KCNIP1: variants seen among roughly 807,000 people sequenced by gnomAD.
KCNIP1 encodes the protein A-type potassium channel modulatory protein KCNIP1.
KCNIP1 carries 18 observed loss-of-function variants against 33.0 expected under a neutral mutation model. The ratio of observed to expected loss-of-function variants is 0.55; its 90% confidence interval spans 0.38 to 0.81. The LOEUF (loss-of-function observed/expected upper bound fraction) is 0.81, where lower values mean the gene tolerates loss of function less well. KCNIP1 is among the 30% of genes least tolerant of loss of function. The pLI is 0.00. For missense variants in KCNIP1, 238 were observed against 271.6 expected, an observed-to-expected ratio of 0.88 and a Z score of 0.87; for synonymous variants, 93 against 98.3, an observed-to-expected ratio of 0.95 and a Z score of 0.32.
chr5:170,656,569 C>A (rs1292684302), intron 1 of KCNIP1, among the ~76,000 whole-genome samples: 2 of 152,206 alleles, frequency 1.3e-5, no homozygotes. Flanking sequence ...CCTGTGAGCA[C>A]CCACAACTTC....
At chr5:170,704,740 T>C (rs1371410014) in intron 1 of KCNIP1, among the ~76,000 whole-genome samples, 4 of 152,196 alleles carry the variant, frequency 2.6e-5, no homozygotes, top group African/African-American at 9.6e-5. Flanking sequence ...CTTCACCTCT[T>C]GTTTTTTATT....
intron 5 of KCNIP1, among the ~76,000 whole-genome samples, chr5:170,724,644 G>A (rs1763946554): frequency 6.6e-6 from 1 of 152,132 alleles, no homozygotes; most frequent in African/African-American, 2.4e-5. Flanking sequence ...TTAACAAAGT[G>A]AAGACATGAG....
intron 1 of KCNIP1, among the ~76,000 whole-genome samples, chr5:170,396,745 T>C (rs918450999): frequency 6.6e-6 from 1 of 152,166 alleles, no homozygotes; most frequent in Non-Finnish European, 1.5e-5. Flanking sequence ...TATTATTATA[T>C]AGATGAAGCC....
chr5:170,709,589 T>C (rs1442902811), intron 1 of KCNIP1, among the ~76,000 whole-genome samples: 2 of 152,242 alleles, frequency 1.3e-5, no homozygotes, highest in South Asian at 2.1e-4. Flanking sequence ...CTATCTTGTA[T>C]TGTAGATTTT....
At chr5:170,447,807 A>T (rs1324246118) in intron 1 of KCNIP1, among the ~76,000 whole-genome samples, 1 of 151,720 alleles carries the variant, frequency 6.6e-6, no homozygotes, top group Non-Finnish European at 1.5e-5. Flanking sequence ...GTTGCTTACA[A>T]ATGAGACCTT....
chr5:170,671,380 G>C (rs528553876), intron 1 of KCNIP1, among the ~76,000 whole-genome samples: 1 of 152,046 alleles, frequency 6.6e-6, no homozygotes, highest in Non-Finnish European at 1.5e-5. Flanking sequence ...CTTTACACTT[G>C]CTGTCTCTTT....
chr5:170,382,030 C>T (rs1162257251), intron 1 of KCNIP1, among the ~76,000 whole-genome samples: 1 of 152,138 alleles, frequency 6.6e-6, no homozygotes, highest in African/African-American at 2.4e-5. Context: ...CACGCCCCAT[C>T]CCAGGCACCC....
intron 1 of KCNIP1, among the ~76,000 whole-genome samples, chr5:170,463,566 A>C (rs1003292673): frequency 3.9e-5 from 6 of 152,220 alleles, no homozygotes; most frequent in African/African-American, 1.2e-4. Context: ...AAAGAGAAAA[A>C]AACACATGAT....
chr5:170,634,030 TGCGGGTGTTGTGAAAATGGAGCCA>T (rs1374515000), intron 1 of KCNIP1, among the ~76,000 whole-genome samples: 119 of 152,222 alleles, frequency 7.8e-4, no homozygotes, highest in African/African-American at 2.7e-3. Context: ...GATGTGGTTC[TGCGGGTGTTGTGAAAATGGAGCCA>T]GCGGGATTTG....
At chr5:170,714,682 A>C (rs1028985156) in intron 1 of KCNIP1, among the ~76,000 whole-genome samples, 1 of 152,360 alleles carries the variant, frequency 6.6e-6, no homozygotes, top group Admixed American at 6.5e-5. Flanking sequence ...TTTTAAAAAA[A>C]GGGTTTTAAA....
intron 1 of KCNIP1, chr5:170,385,259 A>T: frequency 6.2e-7 from 1 of 1,600,952 alleles, no homozygotes; most frequent in Non-Finnish European, 8.6e-7. Context: ...TTCCTTACAG[A>T]TGCCAGACCC....
intron 1 of KCNIP1, among the ~76,000 whole-genome samples, chr5:170,609,021 T>C (rs2879337): frequency 0.18 from 26,888 of 152,020 alleles, 2,482 homozygotes; most frequent in Non-Finnish European, 0.2. Flanking sequence ...GAGATGTCTG[T>C]CTCCCCTCAG....
chr5:170,479,671 C>T (rs539447767), intron 1 of KCNIP1, among the ~76,000 whole-genome samples: 19 of 152,212 alleles, frequency 1.2e-4, no homozygotes, highest in East Asian at 7.7e-4. Context: ...AGGGTAATAC[C>T]GAGTTGTTTT....
At chr5:170,556,040 A>G (rs1312316154) in intron 1 of KCNIP1, among the ~76,000 whole-genome samples, 1 of 152,198 alleles carries the variant, frequency 6.6e-6, no homozygotes, top group Non-Finnish European at 1.5e-5. Context: ...TGCAACAATG[A>G]CAATCACAAC....
chr5:170,497,900 A>G (rs1036303738), intron 1 of KCNIP1, among the ~76,000 whole-genome samples: 3 of 152,236 alleles, frequency 2.0e-5, no homozygotes, highest in African/African-American at 7.2e-5. Context: ...GTGGCAGCGC[A>G]GAAGCGTGCA....
intron 1 of KCNIP1, among the ~76,000 whole-genome samples, chr5:170,605,603 C>T (rs889559211): frequency 2.6e-5 from 4 of 152,156 alleles, no homozygotes; most frequent in Non-Finnish European, 5.9e-5. Context: ...TCCCCCAACT[C>T]CTGGCAACCA....
intron 1 of KCNIP1, among the ~76,000 whole-genome samples, chr5:170,607,479 G>A (rs1204825157): frequency 1.6e-4 from 24 of 152,166 alleles, no homozygotes; most frequent in Admixed American, 1.6e-3. Context: ...CCTTAGAGGT[G>A]AGCAGTCTAG....
Position 170,489,316 on chromosome 5 carries a change from G to A in KCNIP1, c.88+135352G>A, listed in dbSNP as rs1381944653. ...GCCATGCTATAGGCAATCAAGATTT[G>A]CACATTGTCAGCAGAGAAGGAATGA... On this transcript the variant is annotated intron_variant, in intron 1 of 7. Coordinates refer to the KCNIP1 transcript ENST00000377360. The surrounding 1 kb of genome is among the most constrained non-coding windows in gnomAD (Gnocchi z 4.3). Among the ~76,000 whole-genome samples, 3 of 152,236 alleles carry A rather than the reference G, an allele frequency of 2.0e-5. No homozygotes were observed. The highest frequency in any genetic ancestry group is 2.4e-5 in the African/African-American group (1 of 41,468).
intron 1 of KCNIP1, among the ~76,000 whole-genome samples, chr5:170,360,891 T>C (rs1331242222): frequency 6.6e-6 from 1 of 152,250 alleles, no homozygotes; most frequent in Non-Finnish European, 1.5e-5. Flanking sequence ...TCAGGCCATG[T>C]GGCTGGAGTT....
Sources: allele counts gnomAD v4.1 joint callset (sites outside exome capture counted in the v4.1 genomes callset), GRCh38; gene constraint gnomAD v4.1.1; non-coding constraint Gnocchi (gnomAD v3.1); transcripts MANE v1.5; gene names NCBI Gene and HGNC (gene_info 2026-07-23, HGNC 2026-07-21).